The following CYFIP1 variants were observed in gnomAD, a reference collection of about 807,000 sequenced individuals.
CYFIP1 encodes cytoplasmic FMR1 interacting protein 1, also known as cytoplasmic FMR1-interacting protein 1.
Under a neutral mutation model 163.5 loss-of-function variants are expected in CYFIP1, and 58 were observed. The observed-to-expected ratio is 0.35, with a 90% CI of 0.29 to 0.44. CYFIP1 has a LOEUF of 0.44. CYFIP1 is among the 20% of genes least tolerant of loss of function. The pLI is 1.00. For synonymous variants in CYFIP1, 663 were observed against 660.7 expected, an observed-to-expected ratio of 1.00 and a Z score of -0.05; for missense variants, 1,338 against 1,653.8, an observed-to-expected ratio of 0.81 and a Z score of 3.31.
chr15:22,905,091 G>A (rs1036247165), intron 21 of CYFIP1: 3 of 152,100 alleles, frequency 2.0e-5, no homozygotes, highest in African/African-American at 7.2e-5. Flanking sequence ...TTCCCTGCCT[G>A]CCCTGCTCAG....
chr15:22,935,490 G>A lies in CYFIP1; in HGVS notation c.901-1597C>T, dbSNP rs529250936. ...TTCTAGAAGCTAACACAGCAGAAAC[G>A]TCTCATGAGCTGGATGGCTGCAAAG... On this transcript the variant is annotated intron_variant, in intron 9 of 30. Transcript: ENST00000617928. Among the ~76,000 whole-genome samples the A allele has an allele frequency of 2.6e-5, 4 of 152,240 alleles. No homozygotes were observed. In the South Asian group the frequency reaches 6.2e-4, roughly 24 times the overall value.
At chr15:22,913,435 G>A (rs759590666) in intron 17 of CYFIP1, among the ~76,000 whole-genome samples, 3 of 144,920 alleles carry the variant, frequency 2.1e-5, no homozygotes, top group Non-Finnish European at 3.0e-5. Context: ...TGCTGAGGCC[G>A]GAGAATTGCT....
intron 1 of CYFIP1, among the ~76,000 whole-genome samples, chr15:22,965,816 C>G (rs967854227): frequency 2.6e-5 from 4 of 152,120 alleles, no homozygotes; most frequent in Non-Finnish European, 5.9e-5. Flanking sequence ...GTCCATGGCT[C>G]TGAGAGTTCA....
Position 22,916,839 on chromosome 15 carries a change from G to A in CYFIP1, c.1675-209C>T, listed in dbSNP as rs372978790. 4.3e-4 allele frequency: 667 copies of A among 1,554,158 alleles called. 1 individual carries two copies. Among genetic ancestry groups the A allele is most frequent in the Non-Finnish European group, 4.8e-4 (551 of 1,148,062 alleles). ...AGAACAACTTGTAGCGGAGCAGTTCGCCTCCGTGCCATAAACGTCAAGAGA... is the reference window on the plus strand; with the variant it reads ...AGAACAACTTGTAGCGGAGCAGTTCACCTCCGTGCCATAAACGTCAAGAGA... On this transcript the variant is annotated intron_variant, in intron 15 of 30. Transcript: ENST00000617928.
chr15:22,893,581 G>A (rs771929004), intron 22 of CYFIP1, among the ~76,000 whole-genome samples: 1 of 152,182 alleles, frequency 6.6e-6, no homozygotes, highest in Non-Finnish European at 1.5e-5. Flanking sequence ...TGCTAATTAT[G>A]TAATTCCAAG....
At chr15:22,940,132 G>C (rs938556173) in intron 6 of CYFIP1, among the ~76,000 whole-genome samples, 3 of 152,204 alleles carry the variant, frequency 2.0e-5, no homozygotes, top group African/African-American at 4.8e-5. Context: ...TGAGGATTCT[G>C]ATCATCTAGG....
At chr15:22,944,812 G>C in intron 4 of CYFIP1, 50 bp downstream of exon 4, 7 of 1,586,748 alleles carry the variant, frequency 4.4e-6, no homozygotes, top group Non-Finnish European at 6.1e-6. Context: ...TGGTGTGGCA[G>C]GGGCCTGGCA....
chr15:22,929,937 AAAAC>A (rs2061484819), intron 11 of CYFIP1, among the ~76,000 whole-genome samples: 1 of 136,626 alleles, frequency 7.3e-6, no homozygotes, highest in South Asian at 2.3e-4. Flanking sequence ...CTCCACCTCA[AAAAC>A]AAACAAAAAA....
chr15:22,880,128 C>A, intron 25 of CYFIP1, 85 bp from the exon 26 acceptor site: 1 of 1,564,720 alleles, frequency 6.4e-7, no homozygotes, highest in Non-Finnish European at 8.8e-7. Context: ...GAGCACCTGC[C>A]GTTCTGACAC....
In CYFIP1 at chr15:22,942,913, G is replaced by A. The variant is rs138831980; in HGVS notation, c.569+260C>T. On this transcript the variant is annotated intron_variant, in intron 6 of 30. Coordinates refer to ENST00000617928, the MANE Select transcript of CYFIP1 (RefSeq NM_014608.6). ...TGTCTGTCTTCCCAGGGGCTCGAAG[G>A]TCCTCTGTGACATCTGAGGACAGCC... 1.8e-4 allele frequency among the ~76,000 whole-genome samples: 28 copies of A among 152,294 alleles called. No individual in the cohort carries two copies. The East Asian group carries it at 5.4e-3, about 29-fold the overall frequency.
At position 22,930,389 on chromosome 15, in the gene CYFIP1, C is replaced by CAAAAAA. The variant is rs35398202; in HGVS notation, c.1110+1828_1110+1833dup. Among the ~76,000 whole-genome samples, 34 of 114,048 alleles carry CAAAAAA rather than the reference C, an allele frequency of 3.0e-4. No homozygotes were observed. In the East Asian group the frequency reaches 6.2e-3, roughly 21 times the overall value. 74.8% of individuals were successfully genotyped at this position (114,048 alleles called of 152,430 possible). On this transcript the variant is annotated intron_variant, in intron 11 of 30. Transcript: ENST00000617928. ...CGACACAGCAAGACTCCGTCTCACC[C>CAAAAAA]AAAAAAAAAAAAAAAAAAAAAAACT...
chr15:22,905,755 GT>G (rs11418194), intron 21 of CYFIP1, among the ~76,000 whole-genome samples: 12 of 146,218 alleles, frequency 8.2e-5, no homozygotes, highest in African/African-American at 1.3e-4. Flanking sequence ...TCTTATTTCT[GT>G]TTTTTTTTTT....
chr15:22,927,819 G>T (rs1405389911), intron 12 of CYFIP1, 87 bp downstream of exon 12: 4 of 1,381,642 alleles, frequency 2.9e-6, no homozygotes, highest in Non-Finnish European at 3.9e-6. Flanking sequence ...TAGGGCCAAA[G>T]ATAAAAAGCC....
At chr15:22,924,126 GA>G (rs1339252308) in intron 13 of CYFIP1, among the ~76,000 whole-genome samples, 1 of 152,096 alleles carries the variant, frequency 6.6e-6, no homozygotes, top group African/African-American at 2.4e-5. Flanking sequence ...TGTGAATCTT[GA>G]AAATTATGCT....
At chr15:22,877,535 A>T (rs1230124612) in intron 26 of CYFIP1, among the ~76,000 whole-genome samples, 5 of 152,128 alleles carry the variant, frequency 3.3e-5, no homozygotes, top group Non-Finnish European at 7.4e-5. Context: ...ATAATGAGAG[A>T]TTATACTTAA....
chr15:22,966,708 T>G (rs2062921379), intron 1 of CYFIP1, among the ~76,000 whole-genome samples: 1 of 151,902 alleles, frequency 6.6e-6, no homozygotes, highest in Admixed American at 6.6e-5. Flanking sequence ...CCTGAAGATT[T>G]CTCAACTAAG....
intron 23 of CYFIP1, among the ~76,000 whole-genome samples, chr15:22,885,773 T>C (rs944731303): frequency 6.6e-6 from 1 of 152,076 alleles, no homozygotes; most frequent in Non-Finnish European, 1.5e-5. Flanking sequence ...AACAAGTCTC[T>C]AGAGAGTTCC....
At chr15:22,894,417 G>A (rs1170474452) in intron 22 of CYFIP1, among the ~76,000 whole-genome samples, 2 of 150,284 alleles carry the variant, frequency 1.3e-5, no homozygotes, top group Non-Finnish European at 3.0e-5. Flanking sequence ...AGCCTCCCGA[G>A]TAGCTGGGAT....
In CYFIP1 at chr15:22,932,312, G is replaced by A; in HGVS notation, c.1021C>T (p.Pro341Ser). Residue 341 changes from proline to serine, a missense_variant, in exon 11 of 31, where the codon CCT (proline) becomes TCT (serine). Pro to Ser is a moderately conservative substitution (Grantham distance 74). Coordinates refer to ENST00000617928, the MANE Select transcript of CYFIP1 (RefSeq NM_014608.6). ...ATCTGCTCGCAGATGTTGTACTGAG[G>A]GCTGCTGCCGGAGGATGTGCACGTC... is the stretch of plus-strand genomic sequence containing the variant. ...RWTCTSSGSS[P>S]QYNICEQMIQ... 1 of 1,610,476 alleles carries A rather than the reference G, an allele frequency of 6.2e-7. No individual in the cohort carries two copies. The highest frequency in any genetic ancestry group is 8.5e-7 in the Non-Finnish European group (1 of 1,178,552).
Sources: allele counts gnomAD v4.1 joint callset (sites outside exome capture counted in the v4.1 genomes callset), GRCh38; gene constraint gnomAD v4.1.1; transcripts MANE v1.5; gene names NCBI Gene and HGNC (gene_info 2026-07-23, HGNC 2026-07-21).